The following FBXL20 variants were observed in gnomAD, a reference collection of about 807,000 sequenced individuals.
FBXL20 encodes F-box/LRR-repeat protein 20.
Under a neutral mutation model 64.0 loss-of-function variants are expected in FBXL20, and 11 were observed. The ratio of observed to expected loss-of-function variants is 0.17; its 90% CI spans 0.11 to 0.28. The LOEUF (loss-of-function observed/expected upper bound fraction) is 0.28. FBXL20 is among the 10% of genes least tolerant of loss of function. The pLI is 1.00. For missense variants in FBXL20, 303 were observed against 526.2 expected (o/e 0.58, Z 4.15); for synonymous variants, 184 against 189.0 (o/e 0.97, Z 0.22).
intron 2 of FBXL20, among the ~76,000 whole-genome samples, chr17:39,339,965 G>A (rs2047566339): frequency 6.6e-6 from 1 of 151,448 alleles, no homozygotes. Flanking sequence ...TTGAAATGCA[G>A]TCTCGCTTTG....
intron 1 of FBXL20, among the ~76,000 whole-genome samples, chr17:39,389,761 T>C (rs1208298462): frequency 1.3e-5 from 2 of 152,186 alleles, no homozygotes; most frequent in African/African-American, 4.8e-5. Context: ...GAACTTGCAG[T>C]GAGCCAAGAT....
At chr17:39,371,720 G>T (rs2047920308) in intron 1 of FBXL20, among the ~76,000 whole-genome samples, 1 of 151,536 alleles carries the variant, frequency 6.6e-6, no homozygotes, top group Non-Finnish European at 1.5e-5. Flanking sequence ...GAGTGCAGTG[G>T]CATGATCTCG....
intron 1 of FBXL20, among the ~76,000 whole-genome samples, chr17:39,392,020 C>T (rs1163675928): frequency 6.6e-6 from 1 of 151,922 alleles, no homozygotes; most frequent in East Asian, 1.9e-4. Flanking sequence ...GTGCAGTAAT[C>T]CCAGCTATCG....
At chr17:39,302,541 T>C (rs1214122381) in intron 3 of FBXL20, among the ~76,000 whole-genome samples, 1 of 152,074 alleles carries the variant, frequency 6.6e-6, no homozygotes, top group Non-Finnish European at 1.5e-5. Flanking sequence ...GCCTGGCTAA[T>C]TTTTTGTATT....
intron 7 of FBXL20, among the ~76,000 whole-genome samples, chr17:39,284,399 G>T (rs966591936): frequency 6.6e-6 from 1 of 152,044 alleles, no homozygotes; most frequent in African/African-American, 2.4e-5. Context: ...TTTTTTTCTT[G>T]AGATGAGGTC....
At chr17:39,288,210 G>A (rs915154402) in intron 6 of FBXL20, among the ~76,000 whole-genome samples, 12 of 151,776 alleles carry the variant, frequency 7.9e-5, no homozygotes, top group Admixed American at 1.3e-4. Flanking sequence ...CAAACGATCC[G>A]CCCACCTTGG....
chr17:39,328,359 A>T lies in FBXL20; in HGVS notation c.104+14821T>A, dbSNP rs114953253. Among the ~76,000 whole-genome samples, 625 of 152,102 alleles carry T rather than the reference A, an allele frequency of 4.1e-3. 5 individuals carry two copies. Among genetic ancestry groups the T allele is most frequent in the African/African-American group, 0.014 (580 of 41,498 alleles). ...AAATAACTGATTCCAGGACTGAATC[A>T]AGGGAGGTGTAAGAAGGGTCTGAAA... On this transcript the variant is annotated intron_variant, in intron 2 of 14. Coordinates refer to ENST00000264658, the MANE Select transcript of FBXL20 (RefSeq NM_032875.3).
intron 1 of FBXL20, among the ~76,000 whole-genome samples, chr17:39,386,011 A>T (rs2144665171): frequency 8.3e-6 from 1 of 120,124 alleles, no homozygotes; most frequent in East Asian, 2.4e-4. Flanking sequence ...GCCTGACAAC[A>T]GAGATTCCGT....
chr17:39,297,237 C>A (rs2144434843), intron 5 of FBXL20, 42 bp from the exon 6 acceptor site: 1 of 1,202,064 alleles, frequency 8.3e-7, no homozygotes, highest in Non-Finnish European at 1.2e-6. Flanking sequence ...TGAAATAGGC[C>A]AAATTCCAGT....
chr17:39,336,102 G>A (rs953191824), intron 2 of FBXL20, among the ~76,000 whole-genome samples: 3 of 151,496 alleles, frequency 2.0e-5, no homozygotes, highest in Non-Finnish European at 4.4e-5. Context: ...GCAACAGAGT[G>A]AGAGCCTGTC....
intron 2 of FBXL20, among the ~76,000 whole-genome samples, chr17:39,322,677 T>G (rs1597797280): frequency 6.6e-6 from 1 of 152,264 alleles, no homozygotes; most frequent in Non-Finnish European, 1.5e-5. Context: ...AGGTAAAGCA[T>G]GTTTTGATAG....
chr17:39,347,335 A>C (rs1178503343), intron 1 of FBXL20, among the ~76,000 whole-genome samples: 1 of 152,158 alleles, frequency 6.6e-6, no homozygotes, highest in Non-Finnish European at 1.5e-5. Context: ...CTATTTCTCC[A>C]CACTCTCCAG....
At chr17:39,263,819 C>T in intron 14 of FBXL20, 1 of 176,880 alleles carries the variant, frequency 5.7e-6, no homozygotes, top group Non-Finnish European at 1.2e-5. Context: ...CCCATTTAAC[C>T]AAACACTTTC....
chr17:39,303,562 G>A (rs2047156559), intron 3 of FBXL20, 23 bp downstream of exon 3: 3 of 1,600,504 alleles, frequency 1.9e-6, no homozygotes, highest in African/African-American at 2.7e-5. Flanking sequence ...GGGTCCCCCT[G>A]TAACTATGCC....
chr17:39,396,107 C>T (rs373217108), intron 1 of FBXL20, among the ~76,000 whole-genome samples: 3 of 142,834 alleles, frequency 2.1e-5, no homozygotes, highest in Admixed American at 1.4e-4. Context: ...TCAGCCTTAA[C>T]GGTGTATTCT....
chr17:39,350,518 C>CAAAAAA (rs5820287), intron 1 of FBXL20, among the ~76,000 whole-genome samples: 1 of 101,770 alleles, frequency 9.8e-6, no homozygotes. Context: ...AAAAAAGAAG[C>CAAAAAA]AAAAAAAAAA....
chr17:39,274,110 A>T (rs2046870502), intron 10 of FBXL20, among the ~76,000 whole-genome samples: 1 of 152,188 alleles, frequency 6.6e-6, no homozygotes, highest in Non-Finnish European at 1.5e-5. Flanking sequence ...CCTGGGCTCA[A>T]GCGATCTTCT....
At position 39,334,720 on chromosome 17, in the gene FBXL20, A is replaced by G. The variant is rs1219573830; in HGVS notation, c.104+8460T>C. 4.6e-5 allele frequency among the ~76,000 whole-genome samples: 7 copies of G among 152,192 alleles called. No homozygotes were observed. In the East Asian group the frequency reaches 1.2e-3, roughly 25 times the overall value. ...TATTCTGAAACCGCATGTTATAACT[A>G]AAAGGGCACAGTGCAGACTCAAGCA... On this transcript the variant is annotated intron_variant, in intron 2 of 14. Coordinates refer to ENST00000264658, the MANE Select transcript of FBXL20 (RefSeq NM_032875.3).
At chr17:39,268,924 G>T in intron 11 of FBXL20, 53 bp from the exon 12 acceptor site, 1 of 1,518,092 alleles carries the variant, frequency 6.6e-7, no homozygotes, top group South Asian at 1.2e-5. Context: ...TTTAAAACAT[G>T]AGAAACTTTT....
Sources: allele counts gnomAD v4.1 joint callset (sites outside exome capture counted in the v4.1 genomes callset), GRCh38; gene constraint gnomAD v4.1.1; transcripts MANE v1.5; gene names NCBI Gene and HGNC (gene_info 2026-07-23, HGNC 2026-07-21).